GPR137B: variants seen among roughly 807,000 people sequenced by gnomAD.
GPR137B encodes the protein integral membrane protein GPR137B.
Under a neutral mutation model 42.5 loss-of-function variants are expected in GPR137B, and 42 were observed. That is an observed-to-expected ratio of 0.99 (90% CI 0.77 to 1.28). The LOEUF is 1.28. Among genes scored for constraint, GPR137B ranks in the 50% most tolerant of loss-of-function variants. GPR137B has a pLI of 0.00. For missense variants in GPR137B, 487 were observed against 493.9 expected, an observed-to-expected ratio of 0.99 and a Z score of 0.13; for synonymous variants, 218 against 209.7, an observed-to-expected ratio of 1.04 and a Z score of -0.34.
chr1:236,191,540 C>T (rs1022028003), intron 5 of GPR137B, among the ~76,000 whole-genome samples: 3 of 151,826 alleles, frequency 2.0e-5, no homozygotes, highest in African/African-American at 4.8e-5. Context: ...TGGACATGCT[C>T]TTCCTTTCTG....
At position 236,143,597 on chromosome 1, in the gene GPR137B, C is replaced by A. The variant is rs376760488; in HGVS notation, c.414+561C>A. Among the ~76,000 whole-genome samples the A allele has an allele frequency of 2.6e-5, 4 of 152,206 alleles. No individual in the cohort carries two copies. In the East Asian group the frequency reaches 5.8e-4, roughly 22 times the overall value. On this transcript the variant is annotated intron_variant, in intron 1 of 6. Coordinates refer to ENST00000366592, the MANE Select transcript of GPR137B (RefSeq NM_003272.4). Reference sequence around the variant, plus strand: ...CAGAACTGCGGCTTACTAACTCATTCCACCGGATTGCTAAACAGCAGGCTG... The same window carrying A: ...CAGAACTGCGGCTTACTAACTCATTACACCGGATTGCTAAACAGCAGGCTG...
intron 5 of GPR137B, among the ~76,000 whole-genome samples, chr1:236,191,086 T>G (rs1366385702): frequency 7.2e-5 from 11 of 152,184 alleles, no homozygotes; most frequent in Admixed American, 7.2e-4. Flanking sequence ...TTTGTATCAT[T>G]AAGTTGATCT....
At chr1:236,201,478 C>CT (rs1003039626) in intron 5 of GPR137B, among the ~76,000 whole-genome samples, 4 of 151,946 alleles carry the variant, frequency 2.6e-5, no homozygotes, top group Non-Finnish European at 5.9e-5. Context: ...TTTGTAAATT[C>CT]TTTTTTGTCT....
At chr1:236,160,587 C>A (rs1314970306) in intron 1 of GPR137B, among the ~76,000 whole-genome samples, 1 of 152,232 alleles carries the variant, frequency 6.6e-6, no homozygotes, top group Non-Finnish European at 1.5e-5. Flanking sequence ...AAAACAAGGT[C>A]TGGACCCCCT....
intron 1 of GPR137B, among the ~76,000 whole-genome samples, chr1:236,154,332 C>T (rs1316258743): frequency 6.6e-6 from 1 of 152,124 alleles, no homozygotes; most frequent in African/African-American, 2.4e-5. Flanking sequence ...CGTCATCCGT[C>T]CCCCGAGGAC....
intron 5 of GPR137B, among the ~76,000 whole-genome samples, chr1:236,188,249 A>G (rs1371122661): frequency 6.6e-6 from 1 of 152,196 alleles, no homozygotes; most frequent in African/African-American, 2.4e-5. Context: ...TTCTAAATAT[A>G]TGATCATGTC....
chr1:236,169,206 AGGTG>A lies in GPR137B; in HGVS notation c.464+452_464+455del, dbSNP rs1400576667. Among the ~76,000 whole-genome samples, 790 of 138,958 alleles carry A rather than the reference AGGTG, an allele frequency of 5.7e-3. 5 individuals carry two copies. Among genetic ancestry groups the A allele is most frequent in the African/African-American group, 0.026 (752 of 29,218 alleles). 91.2% of individuals were successfully genotyped at this position (138,958 alleles called of 152,430 possible). ...CAGGTGCAGGTGCAGGTGCAGGTGC[AGGTG>A]CAGGTACAGGTACAGGTACAGGTGC... On this transcript the variant is annotated intron_variant, in intron 2 of 6. Coordinates refer to ENST00000366592, the MANE Select transcript of GPR137B (RefSeq NM_003272.4).
At chr1:236,199,942 T>A (rs1434910167) in intron 5 of GPR137B, among the ~76,000 whole-genome samples, 3 of 152,026 alleles carry the variant, frequency 2.0e-5, no homozygotes, top group Admixed American at 6.5e-5. Flanking sequence ...AGGTAGGACC[T>A]TAGATTTTCT....
At chr1:236,185,524 T>C (rs1029591817) in intron 5 of GPR137B, among the ~76,000 whole-genome samples, 25 of 152,224 alleles carry the variant, frequency 1.6e-4, no homozygotes, top group African/African-American at 6.0e-4. Context: ...CCAAGTGATC[T>C]GAATGAACTG....
At chr1:236,165,673 C>G (rs767378154) in intron 1 of GPR137B, among the ~76,000 whole-genome samples, 5 of 152,184 alleles carry the variant, frequency 3.3e-5, no homozygotes, top group Non-Finnish European at 5.9e-5. Flanking sequence ...CGGGAACACT[C>G]ATTAGGAAGA....
chr1:236,159,890 G>A (rs1288236189), intron 1 of GPR137B, among the ~76,000 whole-genome samples: 5 of 152,332 alleles, frequency 3.3e-5, no homozygotes, highest in South Asian at 2.1e-4. Context: ...CTGTGGGAGC[G>A]GGTGGTGCGG....
At position 236,150,173 on chromosome 1, in the gene GPR137B, G is replaced by A. The variant is rs111667885; in HGVS notation, c.414+7137G>A. Among the ~76,000 whole-genome samples, 22,323 of 148,676 alleles carry A rather than the reference G, an allele frequency of 0.15. 1,884 individuals carry two copies. Among genetic ancestry groups the A allele is most frequent in the Admixed American group, 0.26 (3,829 of 14,998 alleles). ...TTTGTGTCTGTGCATGTGTGTGCCC[G>A]TTTGTGTTTGTGTGTGTCTGTGTGC... On this transcript the variant is annotated intron_variant, in intron 1 of 6. Coordinates refer to ENST00000366592, the MANE Select transcript of GPR137B (RefSeq NM_003272.4). This position sits in a 1 kb window ranked among gnomAD's most constrained non-coding sequence, Gnocchi z 6.2.
chr1:236,179,947 C>G lies in GPR137B; in HGVS notation c.756C>G (p.Cys252Trp). ...TVILLYTSRA[C>W]YNLFILSFSQ... ...TACTGCTTTACACCTCTCGGGCCTGCTACAACCTGTTCATCCTGTCATTTT... is the reference window on the plus strand; with the variant it reads ...TACTGCTTTACACCTCTCGGGCCTGGTACAACCTGTTCATCCTGTCATTTT... Residue 252 changes from cysteine to tryptophan, a missense_variant, in exon 4 of 7, where the codon TGC becomes TGG. Coordinates refer to ENST00000366592, the MANE Select transcript of GPR137B (RefSeq NM_003272.4). 1.9e-6 allele frequency: 3 copies of G among 1,612,378 alleles called. No homozygotes were observed. The highest frequency in any genetic ancestry group is 2.5e-6 in the Non-Finnish European group (3 of 1,178,548).
chr1:236,163,106 G>T (rs536621112), intron 1 of GPR137B, among the ~76,000 whole-genome samples: 1 of 152,320 alleles, frequency 6.6e-6, no homozygotes, highest in East Asian at 1.9e-4. Flanking sequence ...CCCACCTCTT[G>T]CATCACTGTG....
chr1:236,146,675 A>T (rs1327746728), intron 1 of GPR137B, among the ~76,000 whole-genome samples: 3 of 152,218 alleles, frequency 2.0e-5, no homozygotes, highest in Admixed American at 6.5e-5. Flanking sequence ...GCCCTTGGGT[A>T]CACATCTGAG....
intron 5 of GPR137B, among the ~76,000 whole-genome samples, chr1:236,185,478 G>A (rs2102915126): frequency 6.6e-6 from 1 of 152,252 alleles, no homozygotes; most frequent in African/African-American, 2.4e-5. Context: ...GAATCTCTGG[G>A]GTAGGTTCCG....
intron 1 of GPR137B, among the ~76,000 whole-genome samples, chr1:236,151,778 C>A (rs1184375902): frequency 6.6e-6 from 1 of 152,156 alleles, no homozygotes; most frequent in East Asian, 1.9e-4. Flanking sequence ...ACGCAGTCTG[C>A]AAAACACAGG....
In GPR137B at chr1:236,143,055, C is replaced by G. The variant is rs1661573335; in HGVS notation, c.414+19C>G. On this transcript the variant is annotated intron_variant, in intron 1 of 6. Transcript: ENST00000366592. Reference sequence around the variant, plus strand: ...CACGCAGGTGAGTTTCAGAGAGGCTCCTGGAGGCGCTCACCTGGCGGGGTG... The same window carrying G: ...CACGCAGGTGAGTTTCAGAGAGGCTGCTGGAGGCGCTCACCTGGCGGGGTG... The G allele has an allele frequency of 1.9e-6, 3 of 1,584,958 alleles. No homozygotes were observed. Among genetic ancestry groups the G allele is most frequent in the Non-Finnish European group, 2.6e-6 (3 of 1,166,524 alleles).
At chr1:236,174,662 T>C (rs1662633233) in intron 2 of GPR137B, among the ~76,000 whole-genome samples, 1 of 151,958 alleles carries the variant, frequency 6.6e-6, no homozygotes, top group African/African-American at 2.4e-5. Context: ...TTAACAGAAA[T>C]AGGAACACTT....
Sources: gnomAD v4.1 joint callset for allele counts (sites outside exome capture counted in the v4.1 genomes callset) on GRCh38, gnomAD v4.1.1 for gene constraint, Gnocchi (gnomAD v3.1) non-coding constraint, MANE v1.5 for transcripts, NCBI Gene and HGNC (gene_info 2026-07-23, HGNC 2026-07-21) for gene names.